TARBP1: variants seen among roughly 807,000 people sequenced by gnomAD.
TARBP1 encodes the protein tRNA guanosine 2 -O-methyltransferase TARBP1.
Under a neutral mutation model 178.6 loss-of-function variants are expected in TARBP1, and 144 were observed. The ratio of observed to expected loss-of-function variants is 0.81; its 90% CI spans 0.70 to 0.93. The LOEUF is 0.93. Among genes scored for constraint, TARBP1 ranks in the 40% least tolerant of loss-of-function variants. TARBP1 has a pLI of 0.00. For missense variants in TARBP1, 2,067 were observed against 2,011.7 expected (o/e 1.03, Z -0.53); for synonymous variants, 787 against 781.0 (o/e 1.01, Z -0.13).
chr1:234,465,641 A>C lies in TARBP1; in HGVS notation c.1301+15T>G, dbSNP rs202151151. 1 of 1,560,564 alleles carries C rather than the reference A, an allele frequency of 6.4e-7. No homozygotes were observed. Among genetic ancestry groups the C allele is most frequent in the Non-Finnish European group, 8.6e-7 (1 of 1,161,782 alleles). On this transcript the variant is annotated intron_variant, in intron 5 of 29. Transcript: ENST00000040877. ...ATGTATGTATCAAATACTTCATAAC[A>C]TAATGTCTCTTTACCTGCTATACAG... is the stretch of plus-strand genomic sequence containing the variant.
At chr1:234,425,078 C>T (rs1029806996) in intron 20 of TARBP1, among the ~76,000 whole-genome samples, 5 of 146,520 alleles carry the variant, frequency 3.4e-5, no homozygotes, top group Non-Finnish European at 4.5e-5. Flanking sequence ...AAAAAAAATT[C>T]GCTGGGCATA....
At chr1:234,475,651 T>C (rs1476807492) in intron 1 of TARBP1, among the ~76,000 whole-genome samples, 3 of 152,222 alleles carry the variant, frequency 2.0e-5, no homozygotes, top group Non-Finnish European at 4.4e-5. Flanking sequence ...AGAGCAGGAA[T>C]GCTGACGCTC....
At chr1:234,463,487 T>C (rs1311313728) in intron 6 of TARBP1, among the ~76,000 whole-genome samples, 1 of 152,164 alleles carries the variant, frequency 6.6e-6, no homozygotes, top group East Asian at 1.9e-4. Flanking sequence ...ACAATGAGTA[T>C]TCTGTTTACA....
chr1:234,448,707 A>T, intron 10 of TARBP1, 128 bp from the exon 11 acceptor site: 1 of 702,758 alleles, frequency 1.4e-6, no homozygotes. Flanking sequence ...ACCGAGATGA[A>T]CTACAGCAGA....
chr1:234,457,918 A>G (rs181661958), intron 8 of TARBP1, among the ~76,000 whole-genome samples, 162 bp from the exon 9 acceptor site: 28 of 152,336 alleles, frequency 1.8e-4, no homozygotes, highest in Non-Finnish European at 3.4e-4. Context: ...AAGAAAGCAA[A>G]TAAAAAGAAA....
chr1:234,479,066 C>T lies in TARBP1; in HGVS notation c.38G>A (p.Ser13Asn). The T allele has an allele frequency of 6.5e-7, 1 of 1,540,076 alleles. No homozygotes were observed. Among genetic ancestry groups the T allele is most frequent in the Non-Finnish European group, 8.6e-7 (1 of 1,156,400 alleles). The change falls in exon 1 of 30, where the codon AGC (serine) becomes AAC (asparagine). Residue 13 changes from serine (S) to asparagine (N), a missense_variant. Coordinates refer to ENST00000040877, the MANE Select transcript of TARBP1 (RefSeq NM_005646.4). ...WVLAEALLSQ[S>N]RDPRALLGAL... ...CCCAAGCAGGGCCCGGGGGTCCCGG[C>T]TCTGCGAGAGCAGCGCTTCCGCGAG...
intron 2 of TARBP1, among the ~76,000 whole-genome samples, chr1:234,472,390 G>A (rs1388467178): frequency 7.0e-6 from 1 of 143,330 alleles, no homozygotes. Flanking sequence ...CCGACCTACT[G>A]AACCAGAAAG....
chr1:234,438,824 A>G (rs1665298547), intron 12 of TARBP1, among the ~76,000 whole-genome samples: 1 of 152,238 alleles, frequency 6.6e-6, no homozygotes, highest in South Asian at 2.1e-4. Context: ...ATCCAAAGAA[A>G]TTTATGCCCA....
chr1:234,467,674 T>C (rs770287952), intron 3 of TARBP1, 24 bp from the exon 4 acceptor site: 3 of 1,553,254 alleles, frequency 1.9e-6, no homozygotes, highest in Non-Finnish European at 1.7e-6. Flanking sequence ...CATCAAATGT[T>C]GACATCTGAT....
chr1:234,458,300 T>C (rs1019770570), intron 8 of TARBP1, among the ~76,000 whole-genome samples: 1 of 151,982 alleles, frequency 6.6e-6, no homozygotes, highest in African/African-American at 2.4e-5. Flanking sequence ...GCCAAGATCG[T>C]GCCATTGCAC....
chr1:234,424,300 A>G (rs1486026579), intron 20 of TARBP1, among the ~76,000 whole-genome samples: 1 of 152,138 alleles, frequency 6.6e-6, no homozygotes, highest in African/African-American at 2.4e-5. Context: ...ACCATGCTCA[A>G]CTCTACCCCT....
chr1:234,430,022 G>A, intron 15 of TARBP1, 65 bp downstream of exon 15: 1 of 1,438,624 alleles, frequency 7.0e-7, no homozygotes, highest in South Asian at 1.3e-5. Flanking sequence ...AAGCAATGTT[G>A]GGCAATCATG....
intron 17 of TARBP1, among the ~76,000 whole-genome samples, chr1:234,428,348 A>C (rs12043702): frequency 5.5e-5 from 7 of 126,822 alleles, no homozygotes; most frequent in East Asian, 3.2e-4. Context: ...TACACACACA[A>C]AAAAAAACCT....
intron 23 of TARBP1, 118 bp from the exon 24 acceptor site, chr1:234,406,217 T>C (rs1004469902): frequency 2.0e-5 from 18 of 904,452 alleles, no homozygotes; most frequent in Admixed American, 8.1e-5. Context: ...CTTCTTCCAC[T>C]GGCTTTGCTA....
chr1:234,463,802 A>G, intron 6 of TARBP1, 35 bp downstream of exon 6: 2 of 1,301,688 alleles, frequency 1.5e-6, no homozygotes, highest in Non-Finnish European at 2.1e-6. Flanking sequence ...CTGTAAGCTA[A>G]AGCATTTTTA....
intron 13 of TARBP1, among the ~76,000 whole-genome samples, chr1:234,435,835 C>G (rs1185801467): frequency 6.6e-6 from 1 of 152,182 alleles, no homozygotes; most frequent in Non-Finnish European, 1.5e-5. Context: ...ATATCTCTTT[C>G]CAACTCAGTG....
In TARBP1 at chr1:234,478,443, G is replaced by A. The variant is rs1460280401; in HGVS notation, c.661C>T (p.Leu221=). The change falls in exon 1 of 30, where the codon CTG becomes TTG. Residue 221 remains leucine, a synonymous_variant. Coordinates refer to ENST00000040877, the MANE Select transcript of TARBP1 (RefSeq NM_005646.4). ...WGGLAAPGAS[L]GSGRVEEKLL... ...TTCTCCTCTACGCGGCCGGACCCCA[G>A]GGACGCCCCAGGCGCGGCCAGCCCG... is the stretch of plus-strand genomic sequence containing the variant. 3.6e-6 allele frequency: 5 copies of A among 1,389,536 alleles called. No homozygotes were observed. Among genetic ancestry groups the A allele is most frequent in the Non-Finnish European group, 3.7e-6 (4 of 1,067,770 alleles). The allele number at this position is 1,389,536 out of a possible 1,614,324, so 86.1% of individuals were successfully genotyped here.
chr1:234,478,988 A>G lies in TARBP1; in HGVS notation c.116T>C (p.Leu39Pro). ...CTCCTCGTCCTCGAGCCGCTGCAGA[A>G]GGAAGCGCAGCGTCTCCACGCGCTC... is the stretch of plus-strand genomic sequence containing the variant. ...SAERVETLRF[L>P]LQRLEDEEAR... The change falls in exon 1 of 30, where the codon CTT becomes CCT. Residue 39 changes from leucine (L) to proline (P), a missense_variant. Physicochemically the swap from Leu to Pro is moderately conservative, Grantham distance 98. Coordinates refer to ENST00000040877, the MANE Select transcript of TARBP1 (RefSeq NM_005646.4). 1 of 1,493,722 alleles carries G rather than the reference A, an allele frequency of 6.7e-7. No individual in the cohort carries two copies. The highest frequency in any genetic ancestry group is 8.8e-7 in the Non-Finnish European group (1 of 1,132,104). 92.5% of individuals were successfully genotyped at this position (1,493,722 alleles called of 1,614,324 possible). A position where few individuals can be genotyped will look rare whatever the true frequency, so the allele number is the denominator to read the frequency against.
chr1:234,408,592 C>T (rs933453250), intron 23 of TARBP1, among the ~76,000 whole-genome samples: 7 of 152,158 alleles, frequency 4.6e-5, no homozygotes, highest in Non-Finnish European at 7.3e-5. Context: ...CAGACCTGCA[C>T]TCGACGGATC....
Sources: allele counts gnomAD v4.1 joint callset (sites outside exome capture counted in the v4.1 genomes callset), GRCh38; gene constraint gnomAD v4.1.1; transcripts MANE v1.5; gene names NCBI Gene and HGNC (gene_info 2026-07-23, HGNC 2026-07-21).